Variants in DNAH12 observed in about 807,000 individuals in gnomAD.
The protein encoded by DNAH12 is dynein axonemal heavy chain 12, also known as axonemal beta dynein heavy chain 12.
In DNAH12, 285 loss-of-function variants were observed where a neutral mutation model predicts 371.5. The observed-to-expected ratio is 0.77, with a 90% CI of 0.70 to 0.85. The LOEUF is 0.85. DNAH12 is among the 40% of genes least tolerant of loss of function. The pLI, the probability that DNAH12 is intolerant of heterozygous loss-of-function variation, is 0.00. For missense variants in DNAH12, 3,611 were observed against 3,689.4 expected (o/e 0.98, Z 0.55); for synonymous variants, 1,200 against 1,213.0 (o/e 0.99, Z 0.22).
At chr3:57,454,025 C>A (rs1205941461) in intron 23 of DNAH12, among the ~76,000 whole-genome samples, 3 of 152,092 alleles carry the variant, frequency 2.0e-5, no homozygotes. Context: ...AACAGGATAG[C>A]TTGAGCCCAG....
intron 30 of DNAH12, among the ~76,000 whole-genome samples, chr3:57,434,978 G>T (rs2065073719): frequency 6.6e-6 from 1 of 152,088 alleles, no homozygotes; most frequent in Non-Finnish European, 1.5e-5. Flanking sequence ...ACTGGTAAAA[G>T]ATAAAATTAA....
At chr3:57,419,054 G>C (rs1031993238) in intron 37 of DNAH12, among the ~76,000 whole-genome samples, 51 of 152,200 alleles carry the variant, frequency 3.4e-4, no homozygotes, top group Non-Finnish European at 6.2e-4. Context: ...GGAGTACGCT[G>C]AATCTTTAAT....
intron 17 of DNAH12, among the ~76,000 whole-genome samples, chr3:57,467,706 ATAGG>A (rs1252047522): frequency 6.6e-6 from 1 of 152,120 alleles, no homozygotes; most frequent in Non-Finnish European, 1.5e-5. Flanking sequence ...ATCTGCCCTA[ATAGG>A]TCTGAGCAAT....
intron 52 of DNAH12, among the ~76,000 whole-genome samples, 192 bp from the exon 53 acceptor site, chr3:57,377,414 C>T (rs1159841849): frequency 1.3e-5 from 2 of 151,978 alleles, no homozygotes; most frequent in South Asian, 4.1e-4. Context: ...TAAATCTGGA[C>T]TAGCAAATTG....
intron 16 of DNAH12, among the ~76,000 whole-genome samples, chr3:57,469,802 T>C (rs2066315671): frequency 6.6e-6 from 1 of 151,856 alleles, no homozygotes; most frequent in African/African-American, 2.4e-5. Flanking sequence ...AACATAGAGA[T>C]GGGAACAACA....
At chr3:57,351,496 C>A (rs2062674305) in intron 60 of DNAH12, among the ~76,000 whole-genome samples, 1 of 152,080 alleles carries the variant, frequency 6.6e-6, no homozygotes, top group Non-Finnish European at 1.5e-5. Flanking sequence ...TATAATAGTG[C>A]CAAACTGGAA....
At chr3:57,452,764 G>A (rs1004609010) in intron 25 of DNAH12, 79 bp downstream of exon 25, 3 of 1,319,268 alleles carry the variant, frequency 2.3e-6, no homozygotes, top group Non-Finnish European at 3.1e-6. Flanking sequence ...AACTACTCCA[G>A]GTAAGACAAG....
rs1179802477 is a variant in DNAH12, at chr3:57,309,609, C to T, written c.11085+57G>A. On this transcript the variant is annotated intron_variant, in intron 68 of 73. Coordinates refer to ENST00000495027, the MANE Select transcript of DNAH12 (RefSeq NM_001366028.2). Reference sequence around the variant, plus strand: ...CTAGTACATGGAGTTTTCAGATTGTCATTTCAGTATCATTTTTATTTATAT... The same window carrying T: ...CTAGTACATGGAGTTTTCAGATTGTTATTTCAGTATCATTTTTATTTATAT... 2.2e-6 allele frequency: 3 copies of T among 1,363,496 alleles called. No individual in the cohort carries two copies. The African/African-American group carries it at 4.4e-5, about 20-fold the overall frequency. The allele number at this position is 1,363,496 out of a possible 1,614,324, so 84.5% of individuals were successfully genotyped here.
chr3:57,323,399 T>C (rs942737682), intron 63 of DNAH12, 70 bp downstream of exon 63: 2 of 1,474,904 alleles, frequency 1.4e-6, no homozygotes, highest in Admixed American at 2.7e-5. Context: ...TTTATAATCA[T>C]ATAAGGAATC....
At chr3:57,549,953 T>C in the DNAH12 span, among the ~76,000 whole-genome samples, 1 of 151,306 alleles carries the variant, frequency 6.6e-6, no homozygotes, top group Non-Finnish European at 1.5e-5. Context: ...CACCAGAAAA[T>C]CATGTTCAAA....
At position 57,334,510 on chromosome 3, in the gene DNAH12, A is replaced by G. The variant is rs2062177792; in HGVS notation, c.9933T>C (p.Asn3311=). ...GAAGAATTATTATTTTCTGTAGTTC[A>G]TTTAGGTTCTTATCCATTGGTGCTG... The part of the protein sequence containing the change: ...KFPAPMDKNL[N]ELQKIIILRC... Residue 3311 remains asparagine, a synonymous_variant, in exon 62 of 74, where the codon AAT becomes AAC. Transcript: ENST00000495027. 6.4e-7 allele frequency: 1 copy of G among 1,550,706 alleles called. No individual in the cohort carries two copies. Among genetic ancestry groups the G allele is most frequent in the Non-Finnish European group, 8.7e-7 (1 of 1,146,840 alleles).
At chr3:57,404,936 G>A in intron 42 of DNAH12, 33 bp downstream of exon 42, 1 of 1,433,848 alleles carries the variant, frequency 7.0e-7, no homozygotes, top group African/African-American at 1.5e-5. Flanking sequence ...TTTACAGATA[G>A]CAATTTCAAG....
chr3:57,329,238 G>C (rs2062029276), intron 62 of DNAH12, among the ~76,000 whole-genome samples: 1 of 140,958 alleles, frequency 7.1e-6, no homozygotes, highest in African/African-American at 3.0e-5. Flanking sequence ...AACCAAAAAA[G>C]AGCCTGCATT....
chr3:57,316,133 CTT>C (rs10652760), intron 65 of DNAH12, among the ~76,000 whole-genome samples: 1 of 144,446 alleles, frequency 6.9e-6, no homozygotes. Flanking sequence ...ACCCCTTCCC[CTT>C]TTTTTTTTTT....
At chr3:57,442,804 T>C (rs531869152) in intron 29 of DNAH12, among the ~76,000 whole-genome samples, 2 of 152,330 alleles carry the variant, frequency 1.3e-5, no homozygotes, top group South Asian at 4.1e-4. Flanking sequence ...TGCATATTAG[T>C]ATTTGAGCAT....
chr3:57,414,887 G>A (rs529373205), intron 38 of DNAH12, among the ~76,000 whole-genome samples: 20 of 152,314 alleles, frequency 1.3e-4, no homozygotes, highest in Middle Eastern at 3.4e-3. Context: ...ATTTGGAAAT[G>A]TATGATAAAA....
intron 13 of DNAH12, among the ~76,000 whole-genome samples, chr3:57,473,374 C>A (rs1165701749): frequency 6.6e-6 from 1 of 151,932 alleles, no homozygotes; most frequent in Non-Finnish European, 1.5e-5. Flanking sequence ...GTAGTCCCAG[C>A]TACTTGGAGG....
chr3:57,553,982 GC>G, the DNAH12 span, among the ~76,000 whole-genome samples: 1 of 151,324 alleles, frequency 6.6e-6, no homozygotes, highest in South Asian at 2.1e-4. Context: ...ACACCACTGC[GC>G]CCGGCTAATT....
chr3:57,304,636 G>A (rs1042504880), intron 69 of DNAH12, among the ~76,000 whole-genome samples: 1 of 152,082 alleles, frequency 6.6e-6, no homozygotes, highest in African/African-American at 2.4e-5. Context: ...AATCACGCAG[G>A]GGACACCTGC....
Sources: allele counts gnomAD v4.1 joint callset (sites outside exome capture counted in the v4.1 genomes callset), GRCh38; gene constraint gnomAD v4.1.1; transcripts MANE v1.5; gene names NCBI Gene and HGNC (gene_info 2026-07-23, HGNC 2026-07-21).